RBBP4: variants seen among roughly 807,000 people sequenced by gnomAD.
RBBP4 encodes histone-binding protein RBBP4.
In RBBP4, 3 loss-of-function variants were observed where a neutral mutation model predicts 57.2. That is an observed-to-expected ratio of 0.05 (90% CI 0.02 to 0.14). The LOEUF (loss-of-function observed/expected upper bound fraction) is 0.14, where lower values mean the gene tolerates loss of function less well. Among genes scored for constraint, RBBP4 ranks in the 10% least tolerant of loss-of-function variants. RBBP4 has a pLI of 1.00. For missense variants in RBBP4, 107 were observed against 520.6 expected (o/e 0.21, Z 7.73); for synonymous variants, 151 against 171.5 (o/e 0.88, Z 0.93).
In RBBP4 at chr1:32,669,575, T is replaced by A; in HGVS notation, c.966+12T>A. On this transcript the variant is annotated intron_variant, in intron 8 of 11. Coordinates refer to ENST00000373493, the MANE Select transcript of RBBP4 (RefSeq NM_005610.3). This position sits in a 1 kb window ranked among gnomAD's most constrained non-coding sequence, Gnocchi z 4.9. ...ATGAAATATTCCAGGTAAGAGAAAC[T>A]AATGCTACTATTTTGTTTGTTTTAA... is the stretch of plus-strand genomic sequence containing the variant. The A allele has an allele frequency of 6.3e-7, 1 of 1,588,900 alleles. No homozygotes were observed. Among genetic ancestry groups the A allele is most frequent in the Non-Finnish European group, 8.5e-7 (1 of 1,173,146 alleles).
intron 3 of RBBP4, among the ~76,000 whole-genome samples, chr1:32,662,668 C>T (rs1037099264): frequency 1.4e-4 from 21 of 152,060 alleles, no homozygotes; most frequent in African/African-American, 4.8e-4. Context: ...GCCACCATGC[C>T]CAGCCTAGTT....
At chr1:32,673,300 A>G (rs966439459) in intron 11 of RBBP4, among the ~76,000 whole-genome samples, 5 of 152,188 alleles carry the variant, frequency 3.3e-5, no homozygotes, top group Admixed American at 1.3e-4. Context: ...TTATCATCTT[A>G]CAAGTACAAA....
At chr1:32,658,161 A>G (rs1471704440) in intron 3 of RBBP4, among the ~76,000 whole-genome samples, 1 of 152,098 alleles carries the variant, frequency 6.6e-6, no homozygotes, top group East Asian at 1.9e-4. Flanking sequence ...CCATATTGCT[A>G]TACATTCTTA....
intron 2 of RBBP4, among the ~76,000 whole-genome samples, chr1:32,655,759 TG>T (rs1421163144): frequency 6.6e-6 from 1 of 152,234 alleles, no homozygotes; most frequent in Non-Finnish European, 1.5e-5. Context: ...TCATCATAAT[TG>T]GCTTTAGTTT....
At chr1:32,660,833 G>A (rs1198590853) in intron 3 of RBBP4, among the ~76,000 whole-genome samples, 2 of 151,902 alleles carry the variant, frequency 1.3e-5, no homozygotes, top group African/African-American at 2.4e-5. Flanking sequence ...ATTTTGAGGC[G>A]GAGTCTTGCT....
At chr1:32,671,070 T>C (rs1317560804) in intron 8 of RBBP4, among the ~76,000 whole-genome samples, 1 of 152,184 alleles carries the variant, frequency 6.6e-6, no homozygotes, top group African/African-American at 2.4e-5. Flanking sequence ...TTTTACCATA[T>C]TTGGTAGCAA....
In RBBP4 at chr1:32,682,161, C is replaced by G. The variant is rs975329231; in HGVS notation, c.*2456C>G. On this transcript the variant is annotated 3_prime_UTR_variant, in exon 12 of 12. Coordinates refer to ENST00000373493, the MANE Select transcript of RBBP4 (RefSeq NM_005610.3). ...TTTTCCAGATTGTACACAATCTGAT[C>G]AACACAAAGGTAGTTAGTAGATCAT... 7 of 371,868 alleles carry G rather than the reference C, an allele frequency of 1.9e-5. No homozygotes were observed. Among genetic ancestry groups the G allele is most frequent in the Non-Finnish European group, 3.5e-5 (7 of 201,466 alleles). 23.0% of individuals were successfully genotyped at this position (371,868 alleles called of 1,614,324 possible). A position where few individuals can be genotyped will look rare whatever the true frequency, so the allele number is the denominator to read the frequency against.
At chr1:32,653,062 A>G (rs1043222501) in intron 2 of RBBP4, among the ~76,000 whole-genome samples, 4 of 152,174 alleles carry the variant, frequency 2.6e-5, no homozygotes, top group Admixed American at 1.3e-4. Context: ...GATTAATCCT[A>G]TGTTTCTTAC....
At chr1:32,666,945 C>T (rs1648679198) in intron 3 of RBBP4, among the ~76,000 whole-genome samples, 1 of 152,146 alleles carries the variant, frequency 6.6e-6, no homozygotes, top group Non-Finnish European at 1.5e-5. Flanking sequence ...TGAGAAGTGA[C>T]CTAGAAGGCA....
intron 2 of RBBP4, chr1:32,652,363 GTA>G (rs1647814620): frequency 4.0e-6 from 1 of 251,932 alleles, no homozygotes; most frequent in Admixed American, 5.0e-5. Context: ...CTTTCAAAAA[GTA>G]TTATGGCCAG....
intron 3 of RBBP4, among the ~76,000 whole-genome samples, chr1:32,667,693 A>G (rs1648712609): frequency 6.6e-6 from 1 of 152,202 alleles, no homozygotes; most frequent in South Asian, 2.1e-4. Context: ...AGATAGTAAT[A>G]TAATACAGCC....
In RBBP4 at chr1:32,668,821, C is replaced by T; in HGVS notation, c.567C>T (p.Leu189=). The stretch of plus-strand genomic sequence containing the variant: ...ATGGGCTTTCTTGGAACCCAAATCT[C>T]AGTGGGCACTTACTTAGTGCTTCAG... ...EGYGLSWNPN[L]SGHLLSASDD... is the part of the protein sequence containing the mutation. Residue 189 remains leucine (L), a synonymous_variant, in exon 5 of 12, where the codon CTC becomes CTT. Transcript: ENST00000373493. 6.2e-7 allele frequency: 1 copy of T among 1,614,190 alleles called. No homozygotes were observed. Among genetic ancestry groups the T allele is most frequent in the Non-Finnish European group, 8.5e-7 (1 of 1,180,024 alleles).
Position 32,681,932 on chromosome 1 carries a change from G to T in RBBP4, c.*2227G>T. 1 of 1,382,558 alleles carries T rather than the reference G, an allele frequency of 7.2e-7. No individual in the cohort carries two copies. Among genetic ancestry groups the T allele is most frequent in the Non-Finnish European group, 1.0e-6 (1 of 970,838 alleles). The allele number at this position is 1,382,558 out of a possible 1,614,324, so 85.6% of individuals were successfully genotyped here. A position where few individuals can be genotyped will look rare whatever the true frequency, so the allele number is the denominator to read the frequency against. ...TAGTTACTGCAGGCTTTGTTGAGAAGAGATTGTTACAGTGTGATTTATGGA... is the reference window on the plus strand; with the variant it reads ...TAGTTACTGCAGGCTTTGTTGAGAATAGATTGTTACAGTGTGATTTATGGA... On this transcript the variant is annotated 3_prime_UTR_variant, in exon 12 of 12. Coordinates refer to ENST00000373493, the MANE Select transcript of RBBP4 (RefSeq NM_005610.3).
At chr1:32,654,544 T>G (rs1648049974) in intron 2 of RBBP4, among the ~76,000 whole-genome samples, 1 of 152,276 alleles carries the variant, frequency 6.6e-6, no homozygotes, top group South Asian at 2.1e-4. Flanking sequence ...TTCAGAAACT[T>G]CCCAAGTAAT....
intron 11 of RBBP4, among the ~76,000 whole-genome samples, chr1:32,678,558 ATG>A (rs1171783398): frequency 2.5e-5 from 3 of 121,734 alleles, no homozygotes; most frequent in Admixed American, 9.0e-5. Context: ...ATCCTAAAGT[ATG>A]TGACAGCTTT....
rs1649295525 is a variant in RBBP4 at position 32,679,720 on chromosome 1, G to A, written c.*15G>A. The stretch of plus-strand genomic sequence containing the variant: ...AAGGGTCCTAGATATGTCTTTACTT[G>A]TTGTGATTTTAGACTCCCCTTTTTT... On this transcript the variant is annotated 3_prime_UTR_variant, in exon 12 of 12. Transcript: ENST00000373493. 1.2e-6 allele frequency: 2 copies of A among 1,612,304 alleles called. No individual in the cohort carries two copies. Among genetic ancestry groups the A allele is most frequent in the Admixed American group, 1.7e-5 (1 of 59,764 alleles).
intron 3 of RBBP4, among the ~76,000 whole-genome samples, chr1:32,663,661 C>T (rs1648519591): frequency 6.6e-6 from 1 of 151,912 alleles, no homozygotes; most frequent in Non-Finnish European, 1.5e-5. Context: ...ACTGCAAGCT[C>T]TGCCTCCCAG....
chr1:32,663,082 A>T (rs1321829390), intron 3 of RBBP4, among the ~76,000 whole-genome samples: 1 of 152,206 alleles, frequency 6.6e-6, no homozygotes, highest in Non-Finnish European at 1.5e-5. Flanking sequence ...AAGCTGGTAG[A>T]TTCTTAGTTG....
At position 32,676,841 on chromosome 1, in the gene RBBP4, G is replaced by C. The variant is rs144524756; in HGVS notation, c.1213-2799G>C. The stretch of plus-strand genomic sequence containing the variant: ...ACCTGTAGTCCCAGTTCCTTGGGAG[G>C]CTGAAGTGGGAGGCTAGCGTGATCC... On this transcript the variant is annotated intron_variant, in intron 11 of 11. Transcript: ENST00000373493. Among the ~76,000 whole-genome samples the C allele has an allele frequency of 3.5e-3, 532 of 152,114 alleles. 5 individuals are homozygous for C. The highest frequency in any genetic ancestry group is 0.012 in the African/African-American group (515 of 41,516).
Sources: gnomAD v4.1 joint callset for allele counts (sites outside exome capture counted in the v4.1 genomes callset) on GRCh38, gnomAD v4.1.1 for gene constraint, Gnocchi (gnomAD v3.1) non-coding constraint, MANE v1.5 for transcripts, NCBI Gene and HGNC (gene_info 2026-07-23, HGNC 2026-07-21) for gene names.